Variants in SESN3 observed in about 807,000 individuals in gnomAD.
The protein encoded by SESN3 is sestrin 3, also known as sestrin-3.
In SESN3, 21 loss-of-function variants were observed where a neutral mutation model predicts 55.3. The observed-to-expected ratio is 0.38, with a 90% confidence interval of 0.27 to 0.55. The LOEUF is 0.55. Ranked by LOEUF, SESN3 falls within the 20% of genes least tolerant of loss-of-function variation. The probability of loss-of-function intolerance (pLI) is 0.76; values close to 1 mark genes in which losing one functional copy is unlikely to be tolerated. For synonymous variants in SESN3, 181 were observed against 203.1 expected (o/e 0.89, Z 0.93); for missense variants, 408 against 604.3 (o/e 0.68, Z 3.41).
At chr11:95,192,299 G>A (rs1384320197) in intron 2 of SESN3, among the ~76,000 whole-genome samples, 3 of 152,032 alleles carry the variant, frequency 2.0e-5, no homozygotes. Flanking sequence ...CACAATGACA[G>A]TTTGGGCATC....
intron 1 of SESN3, among the ~76,000 whole-genome samples, chr11:95,221,415 G>A (rs1860857129): frequency 6.6e-6 from 1 of 152,088 alleles, no homozygotes; most frequent in African/African-American, 2.4e-5. Flanking sequence ...CATATATATT[G>A]ATAACTGAAA....
Position 95,184,465 on chromosome 11 carries a change from G to A in SESN3, c.892C>T (p.Leu298Phe). The A allele has an allele frequency of 6.2e-7, 1 of 1,613,564 alleles. No homozygotes were observed. Among genetic ancestry groups the A allele is most frequent in the South Asian group, 1.1e-5 (1 of 91,056 alleles). ...TRFEKEKKESLFVVSGDTFHS... is the reference protein window; with the variant it reads ...TRFEKEKKESFFVVSGDTFHS... ...AAAGTATCTCCAGAGACCACAAAAA[G>A]ACTTTCTTTCTTCTCCTTTTCAAAA... Residue 298 changes from leucine (L) to phenylalanine (F), a missense_variant, in exon 6 of 10, where the codon CTT becomes TTT. By Grantham distance (22) the Leu-to-Phe change is conservative. Around this residue, in one of 4 missense-constraint regions of SESN3, gnomAD observed 119 missense variants for 139.9 expected, o/e 0.85. Transcript: ENST00000536441.
At chr11:95,212,706 A>T (rs12804396) in intron 1 of SESN3, among the ~76,000 whole-genome samples, 1 of 152,154 alleles carries the variant, frequency 6.6e-6, no homozygotes, top group Non-Finnish European at 1.5e-5. Flanking sequence ...TGACAACATA[A>T]AAAAATATGC....
chr11:95,187,308 T>C (rs1379709675), intron 4 of SESN3, among the ~76,000 whole-genome samples: 4 of 152,026 alleles, frequency 2.6e-5, no homozygotes, highest in Non-Finnish European at 5.9e-5. Flanking sequence ...AAAGGACTGT[T>C]AGAATTTACA....
intron 1 of SESN3, chr11:95,205,017 G>A (rs1465457585): frequency 6.6e-6 from 1 of 152,180 alleles, no homozygotes; most frequent in African/African-American, 2.4e-5. Context: ...GACTAAAACA[G>A]CCTTCCAGAT....
At chr11:95,190,876 T>C (rs1460209352) in intron 3 of SESN3, among the ~76,000 whole-genome samples, 1 of 152,000 alleles carries the variant, frequency 6.6e-6, no homozygotes, top group Non-Finnish European at 1.5e-5. Context: ...ATAATTCTCC[T>C]CTCTGACCTC....
rs2134204965 is a variant in SESN3, at chr11:95,170,118, G to A, written c.*3137C>T. The A allele has an allele frequency of 6.6e-6, 1 of 152,248 alleles. No homozygotes were observed. The highest frequency in any genetic ancestry group is 1.5e-5 in the Non-Finnish European group (1 of 68,008). The allele number at this position is 152,248 out of a possible 1,614,324, so 9.4% of individuals were successfully genotyped here. The stretch of plus-strand genomic sequence containing the variant: ...TTCAAAAAGGGGAAGGAGGTAATAA[G>A]CTGTCTCAAAAGCCTCTTTTCCCCT... On this transcript the variant is annotated 3_prime_UTR_variant, in exon 10 of 10. Transcript: ENST00000536441.
intron 1 of SESN3, among the ~76,000 whole-genome samples, chr11:95,209,415 T>A (rs1330467015): frequency 6.6e-6 from 1 of 151,514 alleles, no homozygotes; most frequent in African/African-American, 2.4e-5. Flanking sequence ...CTGGAAAGGA[T>A]GTGGAGAAAA....
rs567411204 is a variant in SESN3 at position 95,205,767 on chromosome 11, CTAATATT to C, written c.79-12252_79-12246del. ...CCAAACTTTTATTATACATTACACT[CTAATATT>C]TAATAACAACTTTATACTAGGTTAT... On this transcript the variant is annotated intron_variant, in intron 1 of 9. Coordinates refer to ENST00000536441, the MANE Select transcript of SESN3 (RefSeq NM_144665.4). Among the ~76,000 whole-genome samples, 390 of 152,312 alleles carry C rather than the reference CTAATATT, an allele frequency of 2.6e-3. 1 individual carries two copies. The highest frequency in any genetic ancestry group is 4.1e-3 in the Non-Finnish European group (278 of 68,016).
chr11:95,165,714 TAC>T lies in SESN3; in HGVS notation c.*7539_*7540del, dbSNP rs1438346871. On this transcript the variant is annotated 3_prime_UTR_variant, in exon 10 of 10. Transcript: ENST00000536441. ...CAGTTATGAATTGTTAACATGTTAA[TAC>T]ACAGTTCCTTTATTTCAGATGTGTT... is the stretch of plus-strand genomic sequence containing the variant. The T allele has an allele frequency of 7.2e-5, 11 of 152,324 alleles. No individual in the cohort carries two copies. The highest frequency in any genetic ancestry group is 5.8e-4 in the East Asian group (3 of 5,190). 9.4% of individuals were successfully genotyped at this position (152,324 alleles called of 1,614,324 possible).
chr11:95,186,025 A>G (rs764460881), intron 4 of SESN3, among the ~76,000 whole-genome samples: 5 of 152,020 alleles, frequency 3.3e-5, no homozygotes, highest in African/African-American at 7.2e-5. Flanking sequence ...GCACTTTTTC[A>G]TATTCTGTAT....
intron 1 of SESN3, among the ~76,000 whole-genome samples, chr11:95,211,047 A>G (rs1185656479): frequency 6.6e-6 from 1 of 152,232 alleles, no homozygotes; most frequent in East Asian, 1.9e-4. Flanking sequence ...CTCTGACACA[A>G]TTATAGTGGA....
chr11:95,204,048 A>G (rs565263520), intron 1 of SESN3: 1 of 152,360 alleles, frequency 6.6e-6, no homozygotes, highest in Admixed American at 6.5e-5. Flanking sequence ...CAGTTATATA[A>G]GAATATGTCC....
Position 95,189,974 on chromosome 11 carries a change from GA to G in SESN3, c.343-14del. 1 of 1,563,120 alleles carries G rather than the reference GA, an allele frequency of 6.4e-7. No homozygotes were observed. Among genetic ancestry groups the G allele is most frequent in the South Asian group, 1.2e-5 (1 of 83,600 alleles). ...GTCTAGCTGCAGCCTAAAGCACAAA[GA>G]AAAAAATTCATTGATAAAAGAATCA... On this transcript the variant is annotated splice_polypyrimidine_tract_variant and intron_variant, in intron 3 of 9. Coordinates refer to ENST00000536441, the MANE Select transcript of SESN3 (RefSeq NM_144665.4).
At chr11:95,208,022 T>TA (rs1257892683) in intron 1 of SESN3, among the ~76,000 whole-genome samples, 2 of 147,600 alleles carry the variant, frequency 1.4e-5, no homozygotes, top group Non-Finnish European at 3.0e-5. Context: ...TACCATACTC[T>TA]AAAAAAAAGA....
chr11:95,169,669 T>G lies in SESN3; in HGVS notation c.*3586A>C, dbSNP rs535749199. ...AGTTCAAAAGAATCTTACCATCATA[T>G]AGGCATGCACCCTCCCTCCACTAAA... On this transcript the variant is annotated 3_prime_UTR_variant, in exon 10 of 10. Transcript: ENST00000536441. The G allele has an allele frequency of 6.6e-6, 1 of 152,154 alleles. No homozygotes were observed. The highest frequency in any genetic ancestry group is 1.5e-5 in the Non-Finnish European group (1 of 68,022). 9.4% of individuals were successfully genotyped at this position (152,154 alleles called of 1,614,324 possible). A position where few individuals can be genotyped will look rare whatever the true frequency, so the allele number is the denominator to read the frequency against.
At position 95,230,871 on chromosome 11, in the gene SESN3, G is replaced by T; in HGVS notation, c.-11C>A. The T allele has an allele frequency of 6.4e-7, 1 of 1,566,096 alleles. No homozygotes were observed. Among genetic ancestry groups the T allele is most frequent in the African/African-American group, 1.4e-5 (1 of 70,346 alleles). On this transcript the variant is annotated 5_prime_UTR_variant, in exon 1 of 10. Coordinates refer to ENST00000536441, the MANE Select transcript of SESN3 (RefSeq NM_144665.4). The surrounding 1 kb of genome is among the most constrained non-coding windows in gnomAD (Gnocchi z 4.6). ...GCCGCCCCGGTTCATCGTGGCTGCGGGCGCCGAGGCGAGAGCGGGCGGAGG... is the reference window on the plus strand; with the variant it reads ...GCCGCCCCGGTTCATCGTGGCTGCGTGCGCCGAGGCGAGAGCGGGCGGAGG...
chr11:95,180,187 TAATA>T (rs1190677362), intron 6 of SESN3, among the ~76,000 whole-genome samples: 4 of 152,156 alleles, frequency 2.6e-5, no homozygotes, highest in Non-Finnish European at 4.4e-5. Context: ...ATTTCATAAA[TAATA>T]AATAGTAGAA....
chr11:95,218,457 A>C (rs1483837533), intron 1 of SESN3, among the ~76,000 whole-genome samples: 2 of 152,230 alleles, frequency 1.3e-5, no homozygotes, highest in East Asian at 3.8e-4. Context: ...AACTAATTAA[A>C]GATATTCATA....
Sources: gnomAD v4.1 joint callset for allele counts (sites outside exome capture counted in the v4.1 genomes callset) on GRCh38, gnomAD v4.1.1 for gene constraint, gnomAD v4.1.1 regional missense constraint, Gnocchi (gnomAD v3.1) non-coding constraint, MANE v1.5 for transcripts, NCBI Gene and HGNC (gene_info 2026-07-23, HGNC 2026-07-21) for gene names.